The following GNAZ variants were observed in gnomAD, a reference collection of about 807,000 sequenced individuals.
The protein encoded by GNAZ is guanine nucleotide-binding protein G(z) subunit alpha.
GNAZ carries 3 observed loss-of-function variants against 25.4 expected under a neutral mutation model. The ratio of observed to expected loss-of-function variants is 0.12; its 90% CI spans 0.05 to 0.30. GNAZ has a LOEUF of 0.30. Ranked by LOEUF, GNAZ falls within the 10% of genes least tolerant of loss-of-function variation. The pLI, the probability that GNAZ is intolerant of heterozygous loss-of-function variation, is 1.00. For missense variants in GNAZ, 241 were observed against 501.8 expected (o/e 0.48, Z 4.97); for synonymous variants, 211 against 205.7 (o/e 1.03, Z -0.22).
intron 1 of GNAZ, among the ~76,000 whole-genome samples, chr22:23,089,576 A>C (rs4822354): frequency 0.35 from 52,497 of 152,040 alleles, 9,903 homozygotes; most frequent in African/African-American, 0.51. Flanking sequence ...ATGACCATGT[A>C]CCCATCCTGA....
chr22:23,101,885 G>A (rs1180603432), intron 2 of GNAZ, among the ~76,000 whole-genome samples: 1 of 152,230 alleles, frequency 6.6e-6, no homozygotes, highest in Non-Finnish European at 1.5e-5. Context: ...ACCTCGCATG[G>A]CAGGCATGGA....
intron 1 of GNAZ, among the ~76,000 whole-genome samples, chr22:23,085,198 C>G (rs1385605398): frequency 1.3e-5 from 2 of 152,310 alleles, no homozygotes; most frequent in Non-Finnish European, 2.9e-5. Flanking sequence ...ATGTCCTCAG[C>G]GATTCCTCAC....
chr22:23,095,289 G>A lies in GNAZ; in HGVS notation c.-407G>A, dbSNP rs539406626. On this transcript the variant is annotated 5_prime_UTR_variant, in exon 2 of 3. Transcript: ENST00000615612. ...CAGTGGGAGCCGGAGGCGGGGGGCT[G>A]CAGGGAGCACACCAGCGACCGGCCC... The A allele has an allele frequency of 7.1e-4, 153 of 215,986 alleles. 2 individuals carry two copies. In the South Asian group the frequency reaches 0.012, roughly 16 times the overall value. 13.4% of individuals were successfully genotyped at this position (215,986 alleles called of 1,614,324 possible). A position where few individuals can be genotyped will look rare whatever the true frequency, so the allele number is the denominator to read the frequency against.
At chr22:23,077,852 G>A (rs2068549031) in intron 1 of GNAZ, among the ~76,000 whole-genome samples, 1 of 152,184 alleles carries the variant, frequency 6.6e-6, no homozygotes, top group Non-Finnish European at 1.5e-5. Flanking sequence ...GACCCCCTGT[G>A]AACTGGTGGT....
At chr22:23,081,506 TGTTATAGGCCAATCAG>T (rs151239017) in intron 1 of GNAZ, among the ~76,000 whole-genome samples, 6,639 of 152,206 alleles carry the variant, frequency 0.044, 512 homozygotes, top group African/African-American at 0.15. Flanking sequence ...TAGAAATATA[TGTTATAGGCCAATCAG>T]GTTATAGGCC....
intron 2 of GNAZ, among the ~76,000 whole-genome samples, chr22:23,112,876 G>T (rs140921844): frequency 0.016 from 2,421 of 152,300 alleles, 19 homozygotes; most frequent in Non-Finnish European, 0.025. Flanking sequence ...CTGGTCTGGG[G>T]ACCCCACAGC....
intron 2 of GNAZ, among the ~76,000 whole-genome samples, chr22:23,115,022 C>T (rs2069782955): frequency 6.6e-6 from 1 of 152,182 alleles, no homozygotes; most frequent in African/African-American, 2.4e-5. Context: ...GAGCTGAAAC[C>T]TTAATGTCAC....
intron 1 of GNAZ, among the ~76,000 whole-genome samples, chr22:23,084,245 G>A (rs921320791): frequency 1.3e-5 from 2 of 152,194 alleles, no homozygotes; most frequent in African/African-American, 4.8e-5. Flanking sequence ...TGGTGCAAAA[G>A]CAATAAACAT....
intron 2 of GNAZ, among the ~76,000 whole-genome samples, chr22:23,119,796 C>T (rs2069959536): frequency 6.6e-6 from 1 of 152,236 alleles, no homozygotes; most frequent in Non-Finnish European, 1.5e-5. Context: ...GCTTTCCTGA[C>T]TCCTGCCAGA....
chr22:23,078,825 C>T (rs893012082), intron 1 of GNAZ, among the ~76,000 whole-genome samples: 1 of 152,212 alleles, frequency 6.6e-6, no homozygotes, highest in African/African-American at 2.4e-5. Context: ...CCCCAAAGGG[C>T]TTACAAGATG....
chr22:23,092,507 G>A (rs567238132), intron 1 of GNAZ, among the ~76,000 whole-genome samples: 1 of 152,260 alleles, frequency 6.6e-6, no homozygotes, highest in African/African-American at 2.4e-5. Context: ...ACCTCCCCTT[G>A]GTTGTGACTG....
intron 1 of GNAZ, among the ~76,000 whole-genome samples, chr22:23,080,425 G>A (rs547693077): frequency 5.8e-4 from 89 of 152,214 alleles, no homozygotes; most frequent in Non-Finnish European, 1.1e-3. Flanking sequence ...AGGCCCAGCC[G>A]GGGCATAGCC....
intron 2 of GNAZ, among the ~76,000 whole-genome samples, chr22:23,115,720 T>G (rs962712565): frequency 6.6e-6 from 1 of 152,216 alleles, no homozygotes; most frequent in African/African-American, 2.4e-5. Flanking sequence ...CCACCTGAAG[T>G]TGGGGGCCGG....
At chr22:23,086,086 G>A (rs969283851) in intron 1 of GNAZ, among the ~76,000 whole-genome samples, 1 of 152,264 alleles carries the variant, frequency 6.6e-6, no homozygotes, top group African/African-American at 2.4e-5. Flanking sequence ...TCTACGGCGG[G>A]TGACCCTGGC....
chr22:23,090,452 T>G (rs2068940067), intron 1 of GNAZ, among the ~76,000 whole-genome samples: 1 of 152,150 alleles, frequency 6.6e-6, no homozygotes, highest in Admixed American at 6.5e-5. Context: ...TGGTCTGGCT[T>G]CAGCGCAGCA....
chr22:23,076,092 A>C (rs984973732), intron 1 of GNAZ, among the ~76,000 whole-genome samples: 25 of 152,198 alleles, frequency 1.6e-4, no homozygotes, highest in Non-Finnish European at 2.9e-4. Flanking sequence ...GGAGGCTGGC[A>C]TGGCAGTGAG....
At chr22:23,122,661 A>G (rs1434637718) in intron 2 of GNAZ, 7 of 191,344 alleles carry the variant, frequency 3.7e-5, no homozygotes, top group Non-Finnish European at 5.5e-5. Flanking sequence ...GGGAGCTATG[A>G]TGTGACGGGG....
chr22:23,103,561 G>A (rs971789075), intron 2 of GNAZ, among the ~76,000 whole-genome samples: 1 of 152,208 alleles, frequency 6.6e-6, no homozygotes, highest in Non-Finnish European at 1.5e-5. Flanking sequence ...TGCCAGAGCG[G>A]CTCTTCACTT....
rs116704791 is a variant in GNAZ at position 23,098,187 on chromosome 22, G to A, written c.723+1769G>A. On this transcript the variant is annotated intron_variant, in intron 2 of 2. Transcript: ENST00000615612. ...TCTCTCCTCTCCTTCTGCTCTAGCC[G>A]TGGTCAGCTTGTTTTGCTCCAGCAG... Among the ~76,000 whole-genome samples the A allele has an allele frequency of 3.0e-3, 451 of 152,346 alleles. 2 individuals are homozygous for A. Among genetic ancestry groups the A allele is most frequent in the African/African-American group, 1.0e-2 (414 of 41,580 alleles).
Sources: allele counts gnomAD v4.1 joint callset (sites outside exome capture counted in the v4.1 genomes callset), GRCh38; gene constraint gnomAD v4.1.1; transcripts MANE v1.5; gene names NCBI Gene and HGNC (gene_info 2026-07-23, HGNC 2026-07-21).